Variants in BMP7 observed in about 807,000 individuals in gnomAD.
BMP7 encodes the protein bone morphogenetic protein 7.
Under a neutral mutation model 41.2 loss-of-function variants are expected in BMP7, and 12 were observed. The observed-to-expected ratio is 0.29, with a 90% CI of 0.19 to 0.47. BMP7 has a LOEUF of 0.47. Among genes scored for constraint, BMP7 ranks in the 20% least tolerant of loss-of-function variants. BMP7 has a pLI of 0.99. For missense variants in BMP7, 467 were observed against 606.0 expected (o/e 0.77, Z 2.41); for synonymous variants, 248 against 250.0 (o/e 0.99, Z 0.07).
intron 1 of BMP7, among the ~76,000 whole-genome samples, chr20:57,240,302 A>G (rs1208716660): frequency 3.9e-5 from 6 of 152,328 alleles, no homozygotes; most frequent in South Asian, 4.1e-4. Context: ...GCTCTTTGCT[A>G]AAACATAACA....
At position 57,171,879 on chromosome 20, in the gene BMP7, C is replaced by T. The variant is rs115675445; in HGVS notation, c.1147-771G>A. Among the ~76,000 whole-genome samples, 754 of 152,350 alleles carry T rather than the reference C, an allele frequency of 4.9e-3. 11 individuals are homozygous for T. Among genetic ancestry groups the T allele is most frequent in the African/African-American group, 0.017 (693 of 41,572 alleles). ...TTTCAAACTCTTACACATCCATACC[C>T]TTCCCCACCTGCTCCACCTTGAATG... On this transcript the variant is annotated intron_variant, in intron 6 of 6. Transcript: ENST00000395863. The surrounding 1 kb of genome is among the most constrained non-coding windows in gnomAD (Gnocchi z 4.5).
chr20:57,190,151 G>A (rs1332591029), intron 3 of BMP7, among the ~76,000 whole-genome samples: 2 of 152,182 alleles, frequency 1.3e-5, no homozygotes, highest in African/African-American at 2.4e-5. Flanking sequence ...ACCGGAGGGG[G>A]TGAAGCTGGA....
At chr20:57,265,191 C>T (rs1041794181) in intron 1 of BMP7, among the ~76,000 whole-genome samples, 21 of 152,232 alleles carry the variant, frequency 1.4e-4, no homozygotes, top group African/African-American at 4.6e-4. Context: ...CCAAGGCGCT[C>T]GGAGCGCGCG....
chr20:57,253,483 A>G (rs1251669609), intron 1 of BMP7, among the ~76,000 whole-genome samples: 1 of 152,188 alleles, frequency 6.6e-6, no homozygotes, highest in African/African-American at 2.4e-5. Context: ...AGGAAAAGAG[A>G]GTTTTAAAGT....
intron 3 of BMP7, among the ~76,000 whole-genome samples, chr20:57,193,541 T>C (rs939907686): frequency 2.0e-5 from 3 of 152,236 alleles, no homozygotes; most frequent in African/African-American, 7.2e-5. Flanking sequence ...AGATATTTCA[T>C]ACCAATGGAC....
chr20:57,260,847 C>T (rs554713941), intron 1 of BMP7, among the ~76,000 whole-genome samples: 1 of 152,302 alleles, frequency 6.6e-6, no homozygotes, highest in South Asian at 2.1e-4. Context: ...GCCAACAGCC[C>T]CCCCGCTAAG....
At chr20:57,245,795 C>T (rs1282150503) in intron 1 of BMP7, among the ~76,000 whole-genome samples, 3 of 151,952 alleles carry the variant, frequency 2.0e-5, no homozygotes, top group Middle Eastern at 3.2e-3. Flanking sequence ...CCCGCCACCA[C>T]GCCCAGCTGA....
rs2066017231 is a variant in BMP7 at position 57,228,619 on chromosome 20, G to A, written c.419-198C>T. Among the ~76,000 whole-genome samples, 1 of 152,170 alleles carries A rather than the reference G, an allele frequency of 6.6e-6. No individual in the cohort carries two copies. The highest frequency in any genetic ancestry group is 2.1e-4 in the South Asian group (1 of 4,824). ...CAGGCTCAGACCCCATGGTCCCCAT[G>A]GTCATCCTGAACGACAAGAGCATGA... On this transcript the variant is annotated intron_variant, in intron 1 of 6. Transcript: ENST00000395863. The surrounding 1 kb of genome is among the most constrained non-coding windows in gnomAD (Gnocchi z 4.5).
chr20:57,260,268 T>C (rs1454431854), intron 1 of BMP7, among the ~76,000 whole-genome samples: 1 of 152,180 alleles, frequency 6.6e-6, no homozygotes, highest in Non-Finnish European at 1.5e-5. Flanking sequence ...CTCATTGTTT[T>C]TGACCTGCAA....
At chr20:57,196,830 A>C (rs116552818) in intron 3 of BMP7, among the ~76,000 whole-genome samples, 3,327 of 152,250 alleles carry the variant, frequency 0.022, 125 homozygotes, top group African/African-American at 0.076. Flanking sequence ...CTCAAAAATA[A>C]TCTTAATTTT....
chr20:57,239,172 C>A (rs2123127551), intron 1 of BMP7, among the ~76,000 whole-genome samples: 1 of 152,304 alleles, frequency 6.6e-6, no homozygotes, highest in East Asian at 1.9e-4. Context: ...AAACCAAAAG[C>A]AAGCTAGTTA....
chr20:57,183,366 C>T (rs1416413084), intron 4 of BMP7, among the ~76,000 whole-genome samples: 2 of 127,924 alleles, frequency 1.6e-5, no homozygotes, highest in Non-Finnish European at 3.2e-5. Flanking sequence ...CCATTTCTTC[C>T]TCCCCCTCCT....
In BMP7 at chr20:57,198,843, C is replaced by T. The variant is rs538759191; in HGVS notation, c.760+3632G>A. ...GCTGCGCCCCGCTAGAATGGAAACA[C>T]GCTGGCCCAAATTACTATCCTCCAC... On this transcript the variant is annotated intron_variant, in intron 3 of 6. Coordinates refer to ENST00000395863, the MANE Select transcript of BMP7 (RefSeq NM_001719.3). Among the ~76,000 whole-genome samples, 23 of 152,312 alleles carry T rather than the reference C, an allele frequency of 1.5e-4. No individual in the cohort carries two copies. The South Asian group carries it at 2.7e-3, about 18-fold the overall frequency.
At chr20:57,255,996 C>G (rs763444325) in intron 1 of BMP7, among the ~76,000 whole-genome samples, 1 of 151,976 alleles carries the variant, frequency 6.6e-6, no homozygotes, top group East Asian at 1.9e-4. Flanking sequence ...GATAGTGAAC[C>G]GGACAAAAGC....
At position 57,228,382 on chromosome 20, in the gene BMP7, T is replaced by C. The variant is rs1449347459; in HGVS notation, c.458A>G (p.His153Arg). Residue 153 changes from histidine (H) to arginine (R), a missense_variant, in exon 2 of 7, where the codon CAT becomes CGT. Physicochemically the swap from His to Arg is conservative, Grantham distance 29. This residue lies in a region of BMP7 where 407 missense variants were observed against 485.9 expected (regional missense o/e 0.84). Coordinates refer to ENST00000395863, the MANE Select transcript of BMP7 (RefSeq NM_001719.3). This position sits in a 1 kb window ranked among gnomAD's most constrained non-coding sequence, Gnocchi z 4.5. ...DKEFFHPRYHHREFRFDLSKI... is the reference protein window; with the variant it reads ...DKEFFHPRYHRREFRFDLSKI... Reference sequence around the variant, plus strand: ...GGAAAGATCAAACCGGAACTCTCGATGGTGGTAGCGTGGGTGGAAGAATTC... The same window carrying C: ...GGAAAGATCAAACCGGAACTCTCGACGGTGGTAGCGTGGGTGGAAGAATTC... 5 of 1,614,176 alleles carry C rather than the reference T, an allele frequency of 3.1e-6. No homozygotes were observed. The East Asian group carries it at 8.9e-5, about 29-fold the overall frequency.
At chr20:57,194,965 C>T (rs1205373539) in intron 3 of BMP7, among the ~76,000 whole-genome samples, 2 of 152,160 alleles carry the variant, frequency 1.3e-5, no homozygotes, top group Admixed American at 6.5e-5. Flanking sequence ...AGGTGACTTA[C>T]GGGGACCCCA....
At chr20:57,256,721 A>T (rs1469817489) in intron 1 of BMP7, among the ~76,000 whole-genome samples, 1 of 151,004 alleles carries the variant, frequency 6.6e-6, no homozygotes, top group Non-Finnish European at 1.5e-5. Context: ...AATAAAAAAT[A>T]AAAAAAAATA....
intron 1 of BMP7, among the ~76,000 whole-genome samples, chr20:57,258,342 G>A (rs940447599): frequency 5.3e-5 from 8 of 152,168 alleles, no homozygotes; most frequent in African/African-American, 1.9e-4. Context: ...CTTTGTTGTT[G>A]CAGCCTAACC....
Position 57,208,678 on chromosome 20 carries a change from C to T in BMP7, c.612-6055G>A, listed in dbSNP as rs541072673. Among the ~76,000 whole-genome samples, 4 of 152,246 alleles carry T rather than the reference C, an allele frequency of 2.6e-5. No homozygotes were observed. The South Asian group carries it at 8.3e-4, about 32-fold the overall frequency. On this transcript the variant is annotated intron_variant, in intron 2 of 6. Transcript: ENST00000395863. ...TCACAGCCAAAAAGGTAGAAACAGC[C>T]AAAGTGTCCATCAACTCATGAACAG... is the stretch of plus-strand genomic sequence containing the variant.
Sources: allele counts gnomAD v4.1 joint callset (sites outside exome capture counted in the v4.1 genomes callset), GRCh38; gene constraint gnomAD v4.1.1; regional missense constraint gnomAD v4.1.1; non-coding constraint Gnocchi (gnomAD v3.1); transcripts MANE v1.5; gene names NCBI Gene and HGNC (gene_info 2026-07-23, HGNC 2026-07-21).